The following SKAP1 variants were observed in gnomAD, a reference collection of about 807,000 sequenced individuals.
SKAP1 encodes src kinase-associated phosphoprotein 1.
Under a neutral mutation model 58.5 loss-of-function variants are expected in SKAP1, and 44 were observed. That is an observed-to-expected ratio of 0.75 (90% CI 0.59 to 0.97). The LOEUF (loss-of-function observed/expected upper bound fraction) is 0.97. Among genes scored for constraint, SKAP1 ranks in the 50% least tolerant of loss-of-function variants. The pLI, the probability that SKAP1 is intolerant of heterozygous loss-of-function variation, is 0.00. For missense variants in SKAP1, 390 were observed against 435.2 expected (o/e 0.90, Z 0.92); for synonymous variants, 127 against 149.7 (o/e 0.85, Z 1.11).
chr17:48,370,139 C>T (rs915574841), intron 2 of SKAP1, among the ~76,000 whole-genome samples: 3 of 152,000 alleles, frequency 2.0e-5, no homozygotes, highest in African/African-American at 7.3e-5. Flanking sequence ...AGAACTTAAT[C>T]GGACAAGTAA....
In SKAP1 at chr17:48,257,632, T is replaced by C. The variant is rs796330627; in HGVS notation, c.281-68132A>G. Among the ~76,000 whole-genome samples, 659 of 121,664 alleles carry C rather than the reference T, an allele frequency of 5.4e-3. 3 individuals carry two copies. Among genetic ancestry groups the C allele is most frequent in the African/African-American group, 0.022 (614 of 28,100 alleles). The allele number at this position is 121,664 out of a possible 152,430, so 79.8% of individuals were successfully genotyped here. A position where few individuals can be genotyped will look rare whatever the true frequency, so the allele number is the denominator to read the frequency against. On this transcript the variant is annotated intron_variant, in intron 4 of 12. Coordinates refer to ENST00000336915, the MANE Select transcript of SKAP1 (RefSeq NM_003726.4). ...TCTTTTCTTTTTTCTTTCTTTCTTT[T>C]TTTTTTTTTTTTTTTTGGTTATCTA...
the SKAP1 span, among the ~76,000 whole-genome samples, chr17:48,444,121 G>A: frequency 1.0e-5 from 1 of 98,964 alleles, no homozygotes; most frequent in Admixed American, 9.2e-5. Flanking sequence ...GAGGCCGGGC[G>A]CAGTGACTCA....
intron 11 of SKAP1, among the ~76,000 whole-genome samples, chr17:48,144,300 A>C (rs2063803242): frequency 6.6e-6 from 1 of 152,084 alleles, no homozygotes; most frequent in Admixed American, 6.6e-5. Flanking sequence ...TGAATGGAAA[A>C]TTTCTAACCT....
chr17:48,319,762 A>G (rs1342556301), intron 4 of SKAP1, among the ~76,000 whole-genome samples: 1 of 152,146 alleles, frequency 6.6e-6, no homozygotes, highest in Non-Finnish European at 1.5e-5. Context: ...GGATCACCTG[A>G]GCCTGGGAGG....
chr17:48,396,329 C>G (rs950615873), intron 2 of SKAP1, among the ~76,000 whole-genome samples: 3 of 152,198 alleles, frequency 2.0e-5, no homozygotes. Context: ...TGAACATTAT[C>G]TCATACTGCC....
At chr17:48,156,189 C>T (rs1598375315) in intron 11 of SKAP1, among the ~76,000 whole-genome samples, 1 of 152,212 alleles carries the variant, frequency 6.6e-6, no homozygotes, top group Non-Finnish European at 1.5e-5. Flanking sequence ...TCAGGCAGAG[C>T]GACCGCCACG....
At chr17:48,308,853 T>A (rs932950452) in intron 4 of SKAP1, 1 of 152,154 alleles carries the variant, frequency 6.6e-6, no homozygotes, top group African/African-American at 2.4e-5. Flanking sequence ...CAAAAGTCCT[T>A]GTTACATAAT....
intron 9 of SKAP1, among the ~76,000 whole-genome samples, chr17:48,178,766 C>T (rs1598399917): frequency 6.6e-6 from 1 of 152,274 alleles, no homozygotes; most frequent in East Asian, 1.9e-4. Flanking sequence ...AGGAAATTAT[C>T]ATTTTTTTTA....
intron 4 of SKAP1, among the ~76,000 whole-genome samples, chr17:48,268,493 A>AT (rs57122683): frequency 0.68 from 101,944 of 150,848 alleles, 34,444 homozygotes; most frequent in South Asian, 0.76. Flanking sequence ...ATTCAAGTTA[A>AT]TTTTTTTTTG....
intron 4 of SKAP1, among the ~76,000 whole-genome samples, chr17:48,218,108 G>A (rs1567825060): frequency 6.6e-6 from 1 of 152,194 alleles, no homozygotes; most frequent in African/African-American, 2.4e-5. Context: ...GGGCACAAAT[G>A]AAATGAGTTT....
At chr17:48,399,299 A>G (rs2144541378) in intron 1 of SKAP1, among the ~76,000 whole-genome samples, 1 of 152,340 alleles carries the variant, frequency 6.6e-6, no homozygotes, top group East Asian at 1.9e-4. Context: ...ATAACAATAG[A>G]ATAAAGGAAA....
intron 11 of SKAP1, among the ~76,000 whole-genome samples, chr17:48,161,279 A>T (rs1043124250): frequency 1.3e-5 from 2 of 152,248 alleles, no homozygotes; most frequent in Non-Finnish European, 2.9e-5. Flanking sequence ...ACGATAAATG[A>T]CAGATTAATA....
intron 4 of SKAP1, among the ~76,000 whole-genome samples, chr17:48,271,390 A>G (rs1157717815): frequency 7.8e-6 from 1 of 127,720 alleles, no homozygotes; most frequent in East Asian, 2.2e-4. Flanking sequence ...TTTTTGAGAC[A>G]GGGTCTCACT....
chr17:48,254,112 C>A (rs1292222794), intron 4 of SKAP1, among the ~76,000 whole-genome samples: 1 of 152,222 alleles, frequency 6.6e-6, no homozygotes, highest in Admixed American at 6.5e-5. Context: ...TACTACGTGT[C>A]CCTGGATAAA....
At chr17:48,356,442 G>A (rs2066877234) in intron 3 of SKAP1, among the ~76,000 whole-genome samples, 1 of 152,048 alleles carries the variant, frequency 6.6e-6, no homozygotes, top group Admixed American at 6.6e-5. Context: ...ACCTTCAAAT[G>A]TTACAGGAAG....
chr17:48,174,361 G>A (rs1471104667), intron 9 of SKAP1, among the ~76,000 whole-genome samples: 1 of 152,180 alleles, frequency 6.6e-6, no homozygotes, highest in African/African-American at 2.4e-5. Flanking sequence ...GACTGGGTAG[G>A]GGGCACTGTC....
At chr17:48,250,334 C>A (rs1029753445) in intron 4 of SKAP1, among the ~76,000 whole-genome samples, 1 of 120,980 alleles carries the variant, frequency 8.3e-6, no homozygotes, top group Non-Finnish European at 1.6e-5. Context: ...CAGGCTGGAG[C>A]GCAGTGGCAT....
chr17:48,318,052 T>C (rs2066312411), intron 4 of SKAP1, among the ~76,000 whole-genome samples: 1 of 152,224 alleles, frequency 6.6e-6, no homozygotes, highest in Non-Finnish European at 1.5e-5. Flanking sequence ...AAACTTTCAT[T>C]ATGACACATG....
intron 4 of SKAP1, among the ~76,000 whole-genome samples, chr17:48,301,642 A>G (rs2066058550): frequency 6.6e-6 from 1 of 151,992 alleles, no homozygotes; most frequent in African/African-American, 2.4e-5. Flanking sequence ...ATGCCCAGCT[A>G]ATTTTTGCAG....
Sources: allele counts gnomAD v4.1 joint callset (sites outside exome capture counted in the v4.1 genomes callset), GRCh38; gene constraint gnomAD v4.1.1; transcripts MANE v1.5; gene names NCBI Gene and HGNC (gene_info 2026-07-23, HGNC 2026-07-21).